XYLT1: variants seen among roughly 807,000 people sequenced by gnomAD.
The protein encoded by XYLT1 is beta-D-xylosyltransferase 1.
A neutral mutation model predicts 91.3 loss-of-function variants in XYLT1; 36 were observed. The ratio of observed to expected loss-of-function variants is 0.39; its 90% CI spans 0.30 to 0.52. The LOEUF is 0.52. Ranked by LOEUF, XYLT1 falls within the 20% of genes least tolerant of loss-of-function variation. The pLI is 0.68. For synonymous variants in XYLT1, 588 were observed against 532.0 expected (o/e 1.11, Z -1.45); for missense variants, 1,242 against 1,284.5 (o/e 0.97, Z 0.51).
chr16:17,199,334 A>G (rs992585810), intron 4 of XYLT1, among the ~76,000 whole-genome samples: 5 of 152,166 alleles, frequency 3.3e-5, no homozygotes, highest in Admixed American at 1.3e-4. Flanking sequence ...TTGTTAATAA[A>G]GTTTTATTGG....
At chr16:17,435,630 C>T (rs1379378105) in intron 1 of XYLT1, among the ~76,000 whole-genome samples, 1 of 151,900 alleles carries the variant, frequency 6.6e-6, no homozygotes. Flanking sequence ...AAAAAAAAGT[C>T]TAAGGAGTCT....
intron 10 of XYLT1, among the ~76,000 whole-genome samples, chr16:17,123,696 G>A (rs2030154805): frequency 6.6e-6 from 1 of 152,168 alleles, no homozygotes; most frequent in Admixed American, 6.5e-5. Context: ...TCCATTTGTT[G>A]TAGGGTATAG....
At chr16:17,457,046 G>A (rs887280407) in intron 1 of XYLT1, among the ~76,000 whole-genome samples, 4 of 152,080 alleles carry the variant, frequency 2.6e-5, no homozygotes, top group Middle Eastern at 3.2e-3. Context: ...TGGTGGGCCC[G>A]TGTACACGAG....
intron 5 of XYLT1, among the ~76,000 whole-genome samples, chr16:17,195,705 A>G (rs2032413434): frequency 6.6e-6 from 1 of 151,850 alleles, no homozygotes; most frequent in Non-Finnish European, 1.5e-5. Context: ...TGGCCTCTCA[A>G]AGTGCTGGGA....
rs1187139126 is a variant in XYLT1 at position 17,470,438 on chromosome 16, G to T, written c.359C>A (p.Ala120Asp). 1 of 1,230,638 alleles carries T rather than the reference G, an allele frequency of 8.1e-7. No homozygotes were observed. Among genetic ancestry groups the T allele is most frequent in the Non-Finnish European group, 1.0e-6 (1 of 986,838 alleles). The allele number at this position is 1,230,638 out of a possible 1,614,324, so 76.2% of individuals were successfully genotyped here. A position where few individuals can be genotyped will look rare whatever the true frequency, so the allele number is the denominator to read the frequency against. ...PASRGALPARALDPHPSPLIT... is the reference protein window; with the variant it reads ...PASRGALPARDLDPHPSPLIT... ...CGAGCCGAAAGGGCATCTTACCAGA[G>T]CCCGGGCGGGCAGTGCCCCCCGGCT... The change falls in exon 1 of 12, where the codon GCT becomes GAT. Residue 120 changes from alanine (A) to aspartate (D), a missense_variant. By Grantham distance (126) the Ala-to-Asp change is moderately radical (BLOSUM62 -2). Around this residue, in one of 3 missense-constraint regions of XYLT1, gnomAD observed 437 missense variants for 411.5 expected, o/e 1.06. Coordinates refer to ENST00000261381, the MANE Select transcript of XYLT1 (RefSeq NM_022166.4).
chr16:17,376,263 G>A (rs183070121), intron 1 of XYLT1, among the ~76,000 whole-genome samples: 7 of 152,300 alleles, frequency 4.6e-5, no homozygotes, highest in East Asian at 1.9e-4. Flanking sequence ...CAGGGATGGC[G>A]CTCCATATCC....
chr16:17,195,203 G>C (rs530032107), intron 5 of XYLT1, among the ~76,000 whole-genome samples: 7 of 152,140 alleles, frequency 4.6e-5, no homozygotes, highest in Non-Finnish European at 1.0e-4. Context: ...ATGATGCTAC[G>C]CATCCTGCAA....
intron 7 of XYLT1, among the ~76,000 whole-genome samples, chr16:17,140,738 G>C (rs2030948418): frequency 6.7e-6 from 1 of 150,078 alleles, no homozygotes; most frequent in African/African-American, 2.5e-5. Flanking sequence ...CAGTTGTGCA[G>C]GTTACACACT....
intron 5 of XYLT1, among the ~76,000 whole-genome samples, chr16:17,167,119 G>C (rs1176244712): frequency 6.6e-6 from 1 of 152,208 alleles, no homozygotes; most frequent in Non-Finnish European, 1.5e-5. Context: ...GTGGTGGAGG[G>C]GAGATGCAGA....
chr16:17,411,065 C>G (rs1244811475), intron 1 of XYLT1, among the ~76,000 whole-genome samples: 1 of 152,208 alleles, frequency 6.6e-6, no homozygotes, highest in African/African-American at 2.4e-5. Context: ...AACCTGCCTG[C>G]CTGGGTCTGA....
intron 3 of XYLT1, among the ~76,000 whole-genome samples, chr16:17,203,764 CT>C (rs900521475): frequency 1.3e-5 from 2 of 152,206 alleles, no homozygotes; most frequent in African/African-American, 4.8e-5. Flanking sequence ...ACAGCAAACC[CT>C]CCAACTATGC....
intron 3 of XYLT1, among the ~76,000 whole-genome samples, chr16:17,232,865 T>G (rs2033188993): frequency 6.6e-6 from 1 of 152,136 alleles, no homozygotes; most frequent in Non-Finnish European, 1.5e-5. Flanking sequence ...TGGACTGTCC[T>G]TCTTGACCTG....
At chr16:17,165,111 G>T (rs538108678) in intron 5 of XYLT1, among the ~76,000 whole-genome samples, 1 of 152,270 alleles carries the variant, frequency 6.6e-6, no homozygotes, top group African/African-American at 2.4e-5. Flanking sequence ...CATTATGAAA[G>T]CTTAGATCAC....
chr16:17,371,879 T>C (rs1192594977), intron 1 of XYLT1, among the ~76,000 whole-genome samples: 1 of 152,242 alleles, frequency 6.6e-6, no homozygotes, highest in Non-Finnish European at 1.5e-5. Context: ...TACACACACA[T>C]ATGTGAGCAT....
At chr16:17,385,864 T>C (rs756460350) in intron 1 of XYLT1, among the ~76,000 whole-genome samples, 1 of 152,170 alleles carries the variant, frequency 6.6e-6, no homozygotes, top group Non-Finnish European at 1.5e-5. Flanking sequence ...GGAATGAATT[T>C]ATTTACTCAA....
intron 1 of XYLT1, among the ~76,000 whole-genome samples, chr16:17,447,593 T>C (rs2036609101): frequency 6.6e-6 from 1 of 152,214 alleles, no homozygotes; most frequent in South Asian, 2.1e-4. Flanking sequence ...ACCACTAGCA[T>C]TTCCATCCTA....
At chr16:17,122,871 G>A (rs12933220) in intron 10 of XYLT1, among the ~76,000 whole-genome samples, 3 of 151,980 alleles carry the variant, frequency 2.0e-5, no homozygotes, top group East Asian at 3.9e-4. Context: ...TTTGTGTGCC[G>A]TGTTGAAGAT....
intron 1 of XYLT1, among the ~76,000 whole-genome samples, chr16:17,402,030 G>A (rs1232259241): frequency 6.6e-6 from 1 of 152,112 alleles, no homozygotes. Context: ...TGAGCGTGGT[G>A]GCTCACGCCT....
chr16:17,345,880 G>T (rs148722320), intron 2 of XYLT1, among the ~76,000 whole-genome samples: 1 of 152,084 alleles, frequency 6.6e-6, no homozygotes, highest in African/African-American at 2.4e-5. Flanking sequence ...GCTTGATCTC[G>T]GCTCACTGCA....
Sources: allele counts gnomAD v4.1 joint callset (sites outside exome capture counted in the v4.1 genomes callset), GRCh38; gene constraint gnomAD v4.1.1; regional missense constraint gnomAD v4.1.1; transcripts MANE v1.5; gene names NCBI Gene and HGNC (gene_info 2026-07-23, HGNC 2026-07-21).